Variants in LYG2 observed in about 807,000 individuals in gnomAD.
LYG2 encodes lysozyme g2, also known as lysozyme g-like protein 2.
A neutral mutation model predicts 22.4 loss-of-function variants in LYG2; 25 were observed. The ratio of observed to expected loss-of-function variants is 1.12; its 90% CI spans 0.81 to 1.56. The LOEUF is 1.56. LYG2 is among the 40% of genes most tolerant of loss of function. LYG2 has a pLI of 0.00. For synonymous variants in LYG2, 88 were observed against 97.0 expected (o/e 0.91, Z 0.55); for missense variants, 266 against 269.5 (o/e 0.99, Z 0.09).
chr2:99,255,981 A>C (rs976876345), upstream of LYG2, among the ~76,000 whole-genome samples: 11 of 152,202 alleles, frequency 7.2e-5, no homozygotes, highest in Non-Finnish European at 1.5e-5. Flanking sequence ...AAACAGGCAA[A>C]GCACATTGCG....
At chr2:99,243,646 C>G (rs1046150886) in intron 6 of LYG2, 13 of 688,384 alleles carry the variant, frequency 1.9e-5, no homozygotes, top group Non-Finnish European at 2.8e-5. Flanking sequence ...AGCAATCCTC[C>G]TGGCTTAGCC....
At chr2:99,254,190 C>A in intron 3 of LYG2, 28 bp downstream of exon 3, 2 of 1,607,560 alleles carry the variant, frequency 1.2e-6, no homozygotes, top group Non-Finnish European at 1.7e-6. Flanking sequence ...ACCCTGTGAA[C>A]AATGCTAAAT....
upstream of LYG2, among the ~76,000 whole-genome samples, chr2:99,257,146 T>C (rs2094037771): frequency 6.6e-6 from 1 of 152,230 alleles, no homozygotes; most frequent in Non-Finnish European, 1.5e-5. Flanking sequence ...CAAAGCATTG[T>C]CCGTGGTCTG....
intron 6 of LYG2, chr2:99,243,788 A>G (rs1178604900): frequency 1.7e-6 from 1 of 592,254 alleles, no homozygotes; most frequent in Non-Finnish European, 2.9e-6. Context: ...TAAGAACCCC[A>G]ACATTCTGCA....
chr2:99,243,219 T>G (rs1048848242), intron 6 of LYG2, among the ~76,000 whole-genome samples: 2 of 152,012 alleles, frequency 1.3e-5, no homozygotes, highest in Non-Finnish European at 2.9e-5. Flanking sequence ...AGCAATCTGG[T>G]TTTCAGGCTG....
intron 6 of LYG2, 72 bp downstream of exon 6, chr2:99,243,927 T>A: frequency 6.4e-7 from 1 of 1,572,106 alleles, no homozygotes; most frequent in Non-Finnish European, 8.7e-7. Context: ...TCCCAGGGAG[T>A]CTCGGGTCAC....
the LYG2 span, among the ~76,000 whole-genome samples, chr2:99,261,511 CCT>C: frequency 6.6e-6 from 1 of 152,184 alleles, no homozygotes; most frequent in Non-Finnish European, 1.5e-5. Flanking sequence ...CCCCTGTGGA[CCT>C]CTCCAACTCA....
upstream of LYG2, among the ~76,000 whole-genome samples, chr2:99,258,937 A>G (rs1361677217): frequency 1.3e-5 from 2 of 152,256 alleles, no homozygotes; most frequent in Admixed American, 1.3e-4. Context: ...AATGGCCAAT[A>G]AAGCTCATGA....
chr2:99,242,520 C>G, intron 6 of LYG2, 38 bp from the exon 7 acceptor site: 1 of 1,397,572 alleles, frequency 7.2e-7, no homozygotes, highest in Non-Finnish European at 1.0e-6. Flanking sequence ...CAAATATTAA[C>G]TTTCAACAGA....
At chr2:99,243,379 A>G in intron 6 of LYG2, 1 of 1,529,722 alleles carries the variant, frequency 6.5e-7, no homozygotes, top group Non-Finnish European at 8.8e-7. Context: ...TTCCACTTGG[A>G]TATATAGCAC....
chr2:99,246,070 C>T (rs141224505), intron 4 of LYG2, among the ~76,000 whole-genome samples: 615 of 152,188 alleles, frequency 4.0e-3, no homozygotes, highest in Non-Finnish European at 6.5e-3. Context: ...ATCATGCCAT[C>T]GCACTCCAGC....
chr2:99,260,897 G>A, the LYG2 span, among the ~76,000 whole-genome samples: 429 of 152,308 alleles, frequency 2.8e-3, 2 homozygotes, highest in African/African-American at 9.7e-3. Context: ...TAAGTCCTTT[G>A]TGAAACAGGA....
intron 3 of LYG2, among the ~76,000 whole-genome samples, chr2:99,249,237 A>G (rs1466387907): frequency 6.6e-6 from 1 of 152,084 alleles, no homozygotes; most frequent in Admixed American, 6.6e-5. Context: ...CCTATGCAAC[A>G]TGGCAAAACT....
rs1328909978 is a variant in LYG2, at chr2:99,255,143, C to G, written c.-143-6G>C. 6.6e-6 allele frequency: 1 copy of G among 152,196 alleles called. No individual in the cohort carries two copies. The highest frequency in any genetic ancestry group is 1.5e-5 in the Non-Finnish European group (1 of 68,050). The allele number at this position is 152,196 out of a possible 1,614,324, so 9.4% of individuals were successfully genotyped here. A position where few individuals can be genotyped will look rare whatever the true frequency, so the allele number is the denominator to read the frequency against. On this transcript the variant is annotated splice_polypyrimidine_tract_variant and splice_region_variant and intron_variant, in intron 1 of 6. Transcript: ENST00000333017. The stretch of plus-strand genomic sequence containing the variant: ...CCTTTGTCCTGTAACATAGGCTTAA[C>G]AATTGGAGAATCCATTAGTCAGTAG...
At chr2:99,255,770 T>C (rs2094034979), upstream of LYG2, among the ~76,000 whole-genome samples, 5 of 152,232 alleles carry the variant, frequency 3.3e-5, no homozygotes, top group Admixed American at 2.6e-4. Flanking sequence ...GGCCACCTGC[T>C]CTAGGAGATC....
intron 3 of LYG2, among the ~76,000 whole-genome samples, chr2:99,249,613 T>C (rs2094022676): frequency 6.6e-6 from 1 of 151,020 alleles, no homozygotes. Flanking sequence ...AATACAAAAT[T>C]AGCCAGGCAT....
upstream of LYG2, among the ~76,000 whole-genome samples, chr2:99,259,415 A>T (rs2094043196): frequency 6.9e-6 from 1 of 145,876 alleles, no homozygotes; most frequent in Admixed American, 6.8e-5. Flanking sequence ...TACACAAGTT[A>T]AAAAAAAAAT....
chr2:99,245,126 A>G, intron 5 of LYG2, 136 bp downstream of exon 5: 1 of 982,258 alleles, frequency 1.0e-6, no homozygotes, highest in Admixed American at 3.7e-5. Context: ...AAAAAAAAAA[A>G]ATTATGCTGG....
At chr2:99,251,868 C>T (rs1474032898) in intron 3 of LYG2, among the ~76,000 whole-genome samples, 1 of 148,304 alleles carries the variant, frequency 6.7e-6, no homozygotes, top group East Asian at 2.1e-4. Context: ...GATGGAGTCT[C>T]ACTCTGTCGC....
Sources: allele counts gnomAD v4.1 joint callset (sites outside exome capture counted in the v4.1 genomes callset), GRCh38; gene constraint gnomAD v4.1.1; transcripts MANE v1.5; gene names NCBI Gene and HGNC (gene_info 2026-07-23, HGNC 2026-07-21).